The following NRXN1 variants were observed in gnomAD, a reference collection of about 807,000 sequenced individuals.
NRXN1 encodes the protein neurexin 1.
A neutral mutation model predicts 150.9 loss-of-function variants in NRXN1; 39 were observed. That is an observed-to-expected ratio of 0.26 (90% CI 0.20 to 0.34). The LOEUF is 0.34. NRXN1 is among the 10% of genes least tolerant of loss of function. The probability of loss-of-function intolerance (pLI) is 1.00; values close to 1 mark genes in which losing one functional copy is unlikely to be tolerated. For missense variants in NRXN1, 1,815 were observed against 1,949.9 expected (o/e 0.93, Z 1.30); for synonymous variants, 924 against 757.0 (o/e 1.22, Z -3.62).
chr2:50,742,343 A>T (rs950981680), intron 5 of NRXN1, among the ~76,000 whole-genome samples: 1 of 151,860 alleles, frequency 6.6e-6, no homozygotes. Flanking sequence ...TGCTATCCAA[A>T]TGATTTGGTT....
At chr2:50,656,331 A>T (rs766343088) in intron 5 of NRXN1, 10 of 768,618 alleles carry the variant, frequency 1.3e-5, no homozygotes, top group Middle Eastern at 2.4e-4. Context: ...AACACTTATA[A>T]TTCTATACTC....
intron 2 of NRXN1, among the ~76,000 whole-genome samples, chr2:50,971,419 C>T (rs1361629591): frequency 2.0e-5 from 3 of 151,906 alleles, no homozygotes; most frequent in African/African-American, 7.3e-5. Context: ...CCCGTCTCTA[C>T]TAAAAATACA....
chr2:50,171,616 G>C (rs552726900), intron 18 of NRXN1, among the ~76,000 whole-genome samples: 1 of 152,064 alleles, frequency 6.6e-6, no homozygotes, highest in Non-Finnish European at 1.5e-5. Context: ...AAAGAGAAAA[G>C]GGGAGACAAA....
At chr2:50,099,166 C>G (rs190727606) in intron 18 of NRXN1, among the ~76,000 whole-genome samples, 42 of 151,974 alleles carry the variant, frequency 2.8e-4, no homozygotes, top group African/African-American at 1.0e-3. Context: ...ATAAAATTTT[C>G]TAAGCCTGTG....
rs183631837 is a variant in NRXN1, at chr2:49,935,877, A to C, written c.4216+7827T>G. Among the ~76,000 whole-genome samples the C allele has an allele frequency of 7.4e-4, 112 of 152,266 alleles. 2 individuals carry two copies. The highest frequency in any genetic ancestry group is 2.9e-5 in the Non-Finnish European group (2 of 68,018). ...GGTAAACTTACCTTATATTTTTCTAAACCTGTGCTACATTCCTCCCTTCAA... is the reference window on the plus strand; with the variant it reads ...GGTAAACTTACCTTATATTTTTCTACACCTGTGCTACATTCCTCCCTTCAA... On this transcript the variant is annotated intron_variant, in intron 22 of 22. Transcript: ENST00000401669.
intron 17 of NRXN1, among the ~76,000 whole-genome samples, chr2:50,458,089 C>G (rs1297063909): frequency 6.6e-6 from 1 of 152,122 alleles, no homozygotes; most frequent in Non-Finnish European, 1.5e-5. Flanking sequence ...ACCTAAGAAT[C>G]TGTGGATAAA....
In NRXN1 at chr2:51,028,641, G is replaced by T. The variant is rs1411455745; in HGVS notation, c.-368C>A. 1 of 205,104 alleles carries T rather than the reference G, an allele frequency of 4.9e-6. No homozygotes were observed. Among genetic ancestry groups the T allele is most frequent in the African/African-American group, 2.3e-5 (1 of 43,626 alleles). The allele number at this position is 205,104 out of a possible 1,614,324, so 12.7% of individuals were successfully genotyped here. A position where few individuals can be genotyped will look rare whatever the true frequency, so the allele number is the denominator to read the frequency against. ...ATTAACTAATTTAAGAGTATCTGCA[G>T]TGTCAACAGATACTTAACTCCTCAA... is the stretch of plus-strand genomic sequence containing the variant. On this transcript the variant is annotated 5_prime_UTR_variant, in exon 2 of 23. The change creates a new upstream start codon in the 5' untranslated region. Transcript: ENST00000401669.
intron 12 of NRXN1, among the ~76,000 whole-genome samples, chr2:50,507,981 C>T (rs1276931426): frequency 6.7e-6 from 1 of 148,680 alleles, no homozygotes; most frequent in Non-Finnish European, 1.5e-5. Context: ...AGATACAGGC[C>T]AAGGAGAAGA....
At chr2:49,984,663 G>A (rs950036325) in intron 21 of NRXN1, among the ~76,000 whole-genome samples, 2 of 148,826 alleles carry the variant, frequency 1.3e-5, no homozygotes, top group African/African-American at 5.0e-5. Context: ...GCCTAACTAG[G>A]TACAAAGAAT....
intron 21 of NRXN1, among the ~76,000 whole-genome samples, chr2:50,024,395 T>A (rs944279859): frequency 6.6e-6 from 1 of 152,152 alleles, no homozygotes; most frequent in Non-Finnish European, 1.5e-5. Flanking sequence ...AATAAAAAGG[T>A]TTCCCCTTGG....
At chr2:50,664,587 G>A (rs889716214) in intron 5 of NRXN1, among the ~76,000 whole-genome samples, 3 of 151,746 alleles carry the variant, frequency 2.0e-5, no homozygotes, top group Non-Finnish European at 4.4e-5. Flanking sequence ...GAAAAATTTA[G>A]CAGGAAAGTA....
intron 5 of NRXN1, among the ~76,000 whole-genome samples, chr2:50,799,599 T>C (rs112182203): frequency 0.051 from 7,831 of 152,250 alleles, 212 homozygotes; most frequent in Admixed American, 0.073. Context: ...ATAACCATTC[T>C]GTTTCTCACT....
chr2:51,028,771 G>A lies in NRXN1; in HGVS notation c.-498C>T, dbSNP rs183530834. ...CTCAAGAAAGTACAGGAAGCCAGCA[G>A]TGAGCCAGTATCCTTGGATGCTTGT... On this transcript the variant is annotated 5_prime_UTR_variant, in exon 2 of 23. Transcript: ENST00000401669. The A allele has an allele frequency of 2.6e-3, 400 of 153,208 alleles. 3 individuals carry two copies. The highest frequency in any genetic ancestry group is 9.1e-3 in the African/African-American group (378 of 41,616). The allele number at this position is 153,208 out of a possible 1,614,324, so 9.5% of individuals were successfully genotyped here. A position where few individuals can be genotyped will look rare whatever the true frequency, so the allele number is the denominator to read the frequency against.
chr2:49,997,160 G>A (rs990272068), intron 21 of NRXN1, among the ~76,000 whole-genome samples: 4 of 152,244 alleles, frequency 2.6e-5, no homozygotes, highest in African/African-American at 7.2e-5. Context: ...AACACGGTGG[G>A]TGGACAGTTG....
chr2:50,198,251 A>G (rs2152830428), intron 18 of NRXN1, among the ~76,000 whole-genome samples: 1 of 152,252 alleles, frequency 6.6e-6, no homozygotes, highest in East Asian at 1.9e-4. Context: ...GATTGTTAGG[A>G]AAAGAAAAAA....
At chr2:50,766,355 C>T (rs1702381963) in intron 5 of NRXN1, among the ~76,000 whole-genome samples, 1 of 151,906 alleles carries the variant, frequency 6.6e-6, no homozygotes, top group African/African-American at 2.4e-5. Context: ...ACCTGAATTG[C>T]TTGCAAAAAT....
At chr2:50,825,888 T>G (rs1292461853) in intron 5 of NRXN1, among the ~76,000 whole-genome samples, 1 of 152,192 alleles carries the variant, frequency 6.6e-6, no homozygotes, top group African/African-American at 2.4e-5. Context: ...TTGGCAGGTG[T>G]CTGTTGGAGA....
intron 15 of NRXN1, among the ~76,000 whole-genome samples, chr2:50,473,421 A>G (rs1229764266): frequency 6.6e-6 from 1 of 151,896 alleles, no homozygotes; most frequent in Non-Finnish European, 1.5e-5. Flanking sequence ...CAGATTATTT[A>G]CCATATCTGG....
At chr2:50,551,963 C>T (rs1258884038) in intron 9 of NRXN1, among the ~76,000 whole-genome samples, 1 of 152,110 alleles carries the variant, frequency 6.6e-6, no homozygotes, top group African/African-American at 2.4e-5. Context: ...ACTTTACCTG[C>T]CACCTTTACC....
Sources: gnomAD v4.1 joint callset for allele counts (sites outside exome capture counted in the v4.1 genomes callset) on GRCh38, gnomAD v4.1.1 for gene constraint, MANE v1.5 for transcripts, NCBI Gene and HGNC (gene_info 2026-07-23, HGNC 2026-07-21) for gene names.